The following SPAG16 variants were observed in gnomAD, a reference collection of about 807,000 sequenced individuals.
SPAG16 encodes sperm-associated antigen 16 protein.
A neutral mutation model predicts 80.4 loss-of-function variants in SPAG16; 86 were observed. The observed-to-expected ratio is 1.07, with a 90% confidence interval of 0.90 to 1.28. The LOEUF is 1.28. Ranked by LOEUF, SPAG16 falls within the 50% of genes most tolerant of loss-of-function variation. The probability of loss-of-function intolerance (pLI) is 0.00; values close to 1 mark genes in which losing one functional copy is unlikely to be tolerated. For missense variants in SPAG16, 870 were observed against 765.3 expected (o/e 1.14, Z -1.61); for synonymous variants, 294 against 265.9 (o/e 1.11, Z -1.03).
intron 13 of SPAG16, among the ~76,000 whole-genome samples, chr2:214,080,270 C>G (rs936201798): frequency 5.9e-5 from 9 of 152,014 alleles, no homozygotes; most frequent in African/African-American, 2.2e-4. Context: ...TCTCAAATAA[C>G]AAGTTCTATA....
At chr2:214,109,404 T>C (rs1210732786) in intron 14 of SPAG16, among the ~76,000 whole-genome samples, 1 of 152,158 alleles carries the variant, frequency 6.6e-6, no homozygotes. Flanking sequence ...ATCTAACATT[T>C]TGGTTGTCTC....
chr2:214,159,455 C>T (rs1030512258), intron 15 of SPAG16, among the ~76,000 whole-genome samples: 7 of 151,826 alleles, frequency 4.6e-5, no homozygotes, highest in African/African-American at 1.7e-4. Context: ...TTTAGTCTGC[C>T]AAGCTGATAC....
chr2:213,506,653 C>T (rs2074981834), intron 10 of SPAG16, among the ~76,000 whole-genome samples: 1 of 152,134 alleles, frequency 6.6e-6, no homozygotes. Context: ...ATCACCTGAA[C>T]CATGCTGCCA....
chr2:214,269,281 T>C (rs946703572), intron 15 of SPAG16, among the ~76,000 whole-genome samples: 1 of 151,982 alleles, frequency 6.6e-6, no homozygotes, highest in Non-Finnish European at 1.5e-5. Context: ...TCAATGGGAC[T>C]TTTTCATAAC....
intron 15 of SPAG16, among the ~76,000 whole-genome samples, chr2:214,336,251 T>C (rs968341450): frequency 6.6e-6 from 1 of 152,234 alleles, no homozygotes; most frequent in Non-Finnish European, 1.5e-5. Flanking sequence ...TTATTTAATT[T>C]GGACAAAGAA....
intron 1 of SPAG16, among the ~76,000 whole-genome samples, chr2:213,293,959 T>C (rs2062398501): frequency 6.6e-6 from 1 of 152,214 alleles, no homozygotes; most frequent in Non-Finnish European, 1.5e-5. Context: ...TCTACTCTCT[T>C]TACAAATTTC....
intron 14 of SPAG16, among the ~76,000 whole-genome samples, chr2:214,131,117 G>A (rs2054743391): frequency 6.6e-6 from 1 of 152,078 alleles, no homozygotes; most frequent in Admixed American, 6.6e-5. Context: ...TAAAGATCTA[G>A]TCCTTTTTCT....
chr2:214,089,850 A>G (rs1307820654), intron 13 of SPAG16, among the ~76,000 whole-genome samples: 2 of 152,040 alleles, frequency 1.3e-5, no homozygotes. Flanking sequence ...TCCCTTTACC[A>G]TATTTTATTG....
intron 14 of SPAG16, among the ~76,000 whole-genome samples, chr2:214,147,932 G>A (rs577614639): frequency 6.6e-6 from 1 of 152,274 alleles, no homozygotes; most frequent in South Asian, 2.1e-4. Flanking sequence ...GAGAAAATAT[G>A]TGAGCTAGTT....
chr2:214,331,587 C>G (rs1440930049), intron 15 of SPAG16, among the ~76,000 whole-genome samples: 1 of 152,184 alleles, frequency 6.6e-6, no homozygotes, highest in African/African-American at 2.4e-5. Context: ...TTCCTATCCA[C>G]TGGGAACAAA....
intron 15 of SPAG16, among the ~76,000 whole-genome samples, chr2:214,338,015 A>G (rs1697416300): frequency 6.6e-6 from 1 of 152,202 alleles, no homozygotes. Flanking sequence ...TGGCGGAAAT[A>G]ACATACTCTT....
chr2:213,922,748 T>C (rs2078282260), intron 11 of SPAG16, among the ~76,000 whole-genome samples: 1 of 152,168 alleles, frequency 6.6e-6, no homozygotes, highest in South Asian at 2.1e-4. Flanking sequence ...TATTATGTTA[T>C]AATTGAGTTT....
At chr2:214,221,857 G>A (rs1037848329) in intron 15 of SPAG16, among the ~76,000 whole-genome samples, 1 of 151,820 alleles carries the variant, frequency 6.6e-6, no homozygotes, top group Non-Finnish European at 1.5e-5. Context: ...GAGTGTAGTA[G>A]CATGATATTT....
intron 10 of SPAG16, among the ~76,000 whole-genome samples, chr2:213,654,562 A>G (rs2063146763): frequency 6.7e-6 from 1 of 148,678 alleles, no homozygotes; most frequent in Non-Finnish European, 1.5e-5. Flanking sequence ...AAAAAAAAAA[A>G]AAAAATTAGC....
intron 9 of SPAG16, among the ~76,000 whole-genome samples, chr2:213,437,264 C>A (rs1258917891): frequency 6.6e-6 from 1 of 152,128 alleles, no homozygotes; most frequent in Non-Finnish European, 1.5e-5. Context: ...ATCACATTGC[C>A]CATGCCTTAT....
rs140904299 is a variant in SPAG16, at chr2:214,405,389, A to G, written c.1721-4751A>G. On this transcript the variant is annotated intron_variant, in intron 15 of 15. Coordinates refer to ENST00000331683, the MANE Select transcript of SPAG16 (RefSeq NM_024532.5). Reference sequence around the variant, plus strand: ...TGATCCTCCTGCCTTGGCCTCTCAAAGCATTGGGATTATAGGCATAAACCC... The same window carrying G: ...TGATCCTCCTGCCTTGGCCTCTCAAGGCATTGGGATTATAGGCATAAACCC... Among the ~76,000 whole-genome samples the G allele has an allele frequency of 1.1e-3, 168 of 152,328 alleles. 1 individual carries two copies. Among genetic ancestry groups the G allele is most frequent in the Admixed American group, 5.9e-3 (90 of 15,296 alleles).
chr2:214,408,727 C>T (rs527620536), intron 15 of SPAG16, among the ~76,000 whole-genome samples: 1 of 152,182 alleles, frequency 6.6e-6, no homozygotes, highest in South Asian at 2.1e-4. Flanking sequence ...GTCAAGAAGG[C>T]ATCATTGATA....
chr2:214,210,952 C>T (rs898664909), intron 15 of SPAG16, among the ~76,000 whole-genome samples: 9 of 151,786 alleles, frequency 5.9e-5, no homozygotes, highest in African/African-American at 2.2e-4. Flanking sequence ...GAATATCTGA[C>T]AACAAAAGAA....
chr2:214,403,913 T>G (rs934395926), intron 15 of SPAG16, among the ~76,000 whole-genome samples: 5 of 152,218 alleles, frequency 3.3e-5, no homozygotes, highest in Non-Finnish European at 1.5e-5. Flanking sequence ...AGGCAGATCT[T>G]GTACTAGGAA....
Sources: allele counts gnomAD v4.1 joint callset (sites outside exome capture counted in the v4.1 genomes callset), GRCh38; gene constraint gnomAD v4.1.1; transcripts MANE v1.5; gene names NCBI Gene and HGNC (gene_info 2026-07-23, HGNC 2026-07-21).